Variants in MICAL3 observed in about 807,000 individuals in gnomAD.
MICAL3 encodes microtubule associated monooxygenase, calponin and LIM domain containing 3.
In MICAL3, 62 loss-of-function variants were observed where a neutral mutation model predicts 207.4. The observed-to-expected ratio is 0.30, with a 90% CI of 0.24 to 0.37. MICAL3 has a LOEUF of 0.37. MICAL3 is among the 10% of genes least tolerant of loss of function. MICAL3 has a pLI of 1.00. For synonymous variants in MICAL3, 1,077 were observed against 1,069.3 expected (o/e 1.01, Z -0.14); for missense variants, 2,368 against 2,635.6 (o/e 0.90, Z 2.22).
At chr22:17,897,422 CAAAAAAAAAA>C (rs71754131) in intron 7 of MICAL3, among the ~76,000 whole-genome samples, 16 of 41,798 alleles carry the variant, frequency 3.8e-4, no homozygotes, top group African/African-American at 1.2e-3. Context: ...GACTCCAACT[CAAAAAAAAAA>C]AAAAAAAAAA....
At position 17,832,102 on chromosome 22, in the gene MICAL3, G is replaced by T; in HGVS notation, c.2807C>A (p.Ser936Tyr). ...GAEEDVASSSSESEMEEEGEE... is the reference protein window; with the variant it reads ...GAEEDVASSSYESEMEEEGEE... ...TCCCTCCTCCTCCATCTCAGACTCGGAACTACTGTGAGGAAATAACCACAT... is the reference window on the plus strand; with the variant it reads ...TCCCTCCTCCTCCATCTCAGACTCGTAACTACTGTGAGGAAATAACCACAT... The change falls in exon 21 of 32, where the codon TCC becomes TAC. Residue 936 changes from serine (S) to tyrosine (Y), a missense_variant. Ser to Tyr is a moderately radical substitution (Grantham distance 144). Transcript: ENST00000441493. The T allele has an allele frequency of 6.4e-7, 1 of 1,567,214 alleles. No individual in the cohort carries two copies.
At chr22:17,927,992 G>A (rs1932999135) in intron 1 of MICAL3, among the ~76,000 whole-genome samples, 1 of 152,138 alleles carries the variant, frequency 6.6e-6, no homozygotes, top group Non-Finnish European at 1.5e-5. Flanking sequence ...TGAATTAAAG[G>A]TTTGGCTTCT....
intron 21 of MICAL3, among the ~76,000 whole-genome samples, chr22:17,830,224 G>A (rs1006767577): frequency 6.6e-6 from 1 of 152,168 alleles, no homozygotes; most frequent in Non-Finnish European, 1.5e-5. Context: ...AGGGAGGGAA[G>A]AGAAGGGAGT....
At chr22:17,938,379 A>G (rs940524264) in intron 1 of MICAL3, among the ~76,000 whole-genome samples, 10 of 152,204 alleles carry the variant, frequency 6.6e-5, no homozygotes, top group African/African-American at 2.4e-4. Flanking sequence ...AGATCACTCA[A>G]TAGCTGGACA....
intron 1 of MICAL3, among the ~76,000 whole-genome samples, chr22:17,943,603 C>T (rs1418226811): frequency 6.6e-6 from 1 of 152,248 alleles, no homozygotes; most frequent in Non-Finnish European, 1.5e-5. Flanking sequence ...GTGCCCAAGG[C>T]TGCGCTTTAT....
chr22:17,978,219 T>C (rs538251890), intron 1 of MICAL3, among the ~76,000 whole-genome samples: 1 of 152,304 alleles, frequency 6.6e-6, no homozygotes, highest in Non-Finnish European at 1.5e-5. Context: ...TGAAAAGGAA[T>C]GAAATTCTGA....
chr22:17,903,259 T>A lies in MICAL3; in HGVS notation c.473-512A>T, dbSNP rs951204422. ...AAATCGCAATCCAACTAGATCCTCC[T>A]ACCATTCCCCCTCCCATTCCTGGTC... On this transcript the variant is annotated intron_variant, in intron 3 of 31. Coordinates refer to ENST00000441493, the MANE Select transcript of MICAL3 (RefSeq NM_015241.3). Among the ~76,000 whole-genome samples the A allele has an allele frequency of 3.3e-5, 5 of 152,328 alleles. No individual in the cohort carries two copies. In the South Asian group the frequency reaches 8.3e-4, roughly 25 times the overall value.
At chr22:17,809,670 G>A (rs1238668076) in intron 28 of MICAL3, among the ~76,000 whole-genome samples, 2 of 152,078 alleles carry the variant, frequency 1.3e-5, no homozygotes, top group Non-Finnish European at 2.9e-5. Flanking sequence ...AATCTACAGT[G>A]GTCTAGATTC....
chr22:17,952,098 G>A (rs893609357), intron 1 of MICAL3, among the ~76,000 whole-genome samples: 1 of 152,216 alleles, frequency 6.6e-6, no homozygotes, highest in South Asian at 2.1e-4. Flanking sequence ...GCAAGGATGG[G>A]AACGGGACTG....
chr22:17,874,757 G>A (rs910972145), intron 16 of MICAL3, among the ~76,000 whole-genome samples: 40 of 151,962 alleles, frequency 2.6e-4, no homozygotes, highest in African/African-American at 8.9e-4. Context: ...CCTCAACCCA[G>A]GCATGGGAAA....
intron 29 of MICAL3, among the ~76,000 whole-genome samples, chr22:17,805,478 T>TG (rs1454823773): frequency 3.9e-5 from 6 of 152,252 alleles, no homozygotes; most frequent in African/African-American, 1.4e-4. Context: ...GTTTCTCAAA[T>TG]GCATCACAAC....
intron 17 of MICAL3, among the ~76,000 whole-genome samples, chr22:17,866,948 T>C (rs983570517): frequency 6.6e-6 from 1 of 152,236 alleles, no homozygotes; most frequent in African/African-American, 2.4e-5. Flanking sequence ...ATAGAAACTG[T>C]TGAAACAGAA....
intron 25 of MICAL3, among the ~76,000 whole-genome samples, chr22:17,819,979 G>C (rs989046935): frequency 4.3e-5 from 6 of 140,606 alleles, no homozygotes; most frequent in Admixed American, 1.4e-4. Context: ...AATCCAATCA[G>C]TGAACAGGCT....
chr22:17,904,511 T>C (rs570209469), intron 3 of MICAL3, 121 bp downstream of exon 3: 1 of 771,988 alleles, frequency 1.3e-6, no homozygotes, highest in East Asian at 2.5e-5. Flanking sequence ...AGAAAGACAG[T>C]AATGAGATTA....
intron 1 of MICAL3, among the ~76,000 whole-genome samples, chr22:17,992,841 T>C (rs1335001095): frequency 6.6e-6 from 1 of 152,154 alleles, no homozygotes; most frequent in African/African-American, 2.4e-5. Flanking sequence ...AATTATTGGG[T>C]TTATGGCCCT....
At position 17,887,407 on chromosome 22, in the gene MICAL3, T is replaced by C; in HGVS notation, c.1920A>G (p.Lys640=). 3.7e-6 allele frequency: 6 copies of C among 1,613,840 alleles called. No individual in the cohort carries two copies. Among genetic ancestry groups the C allele is most frequent in the Middle Eastern group, 3.3e-4 (2 of 6,038 alleles). Residue 640 remains lysine (K), a synonymous_variant, in exon 14 of 32, where the codon AAA becomes AAG. Coordinates refer to ENST00000441493, the MANE Select transcript of MICAL3 (RefSeq NM_015241.3). Reference sequence around the variant, plus strand: ...ATCTGGTGCTGGCTATCAGGACTGCTTTCTCCTCGGCATTTAGGTCCAAGG... The same window carrying C: ...ATCTGGTGCTGGCTATCAGGACTGCCTTCTCCTCGGCATTTAGGTCCAAGG... The part of the protein sequence containing the change: ...SDTLDLNAEE[K]AVLIASTRSP...
intron 2 of MICAL3, 32 bp from the exon 3 acceptor site, chr22:17,904,871 G>A (rs1459833003): frequency 6.7e-7 from 1 of 1,492,966 alleles, no homozygotes; most frequent in Non-Finnish European, 9.3e-7. Context: ...AGGGCAGGCG[G>A]CACTTCCAAC....
chr22:17,840,166 G>T (rs866944930), intron 20 of MICAL3: 1 of 150,748 alleles, frequency 6.6e-6, no homozygotes. Context: ...ATCTCGGCTC[G>T]CTGCAACCTC....
At position 17,902,382 on chromosome 22, in the gene MICAL3, T is replaced by A. The variant is rs757330910; in HGVS notation, c.589+249A>T. On this transcript the variant is annotated intron_variant, in intron 4 of 31. Transcript: ENST00000441493. This position sits in a 1 kb window ranked among gnomAD's most constrained non-coding sequence, Gnocchi z 4.5. Reference sequence around the variant, plus strand: ...GCTAGGCGACAGAGTGAGACTCTCATCTAACAAAGAAAAAGCAGTGGGGAC... The same window carrying A: ...GCTAGGCGACAGAGTGAGACTCTCAACTAACAAAGAAAAAGCAGTGGGGAC... Among the ~76,000 whole-genome samples, 1 of 152,104 alleles carries A rather than the reference T, an allele frequency of 6.6e-6. No individual in the cohort carries two copies. The highest frequency in any genetic ancestry group is 1.5e-5 in the Non-Finnish European group (1 of 68,020).
Sources: gnomAD v4.1 joint callset for allele counts (sites outside exome capture counted in the v4.1 genomes callset) on GRCh38, gnomAD v4.1.1 for gene constraint, Gnocchi (gnomAD v3.1) non-coding constraint, MANE v1.5 for transcripts, NCBI Gene and HGNC (gene_info 2026-07-23, HGNC 2026-07-21) for gene names.